COL5A2: variants seen among roughly 807,000 people sequenced by gnomAD.
COL5A2 encodes collagen alpha-2(V) chain.
A neutral mutation model predicts 208.2 loss-of-function variants in COL5A2; 23 were observed. The ratio of observed to expected loss-of-function variants is 0.11; its 90% CI spans 0.08 to 0.16. The LOEUF (loss-of-function observed/expected upper bound fraction) is 0.16. Ranked by LOEUF, COL5A2 falls within the 10% of genes least tolerant of loss-of-function variation. The probability of loss-of-function intolerance (pLI) is 1.00; values close to 1 mark genes in which losing one functional copy is unlikely to be tolerated. For missense variants in COL5A2, 1,590 were observed against 1,956.4 expected (o/e 0.81, Z 3.53); for synonymous variants, 625 against 628.5 (o/e 0.99, Z 0.08).
At chr2:189,151,152 A>C (rs1688133819) in intron 1 of COL5A2, among the ~76,000 whole-genome samples, 1 of 152,094 alleles carries the variant, frequency 6.6e-6, no homozygotes, top group Admixed American at 6.6e-5. Flanking sequence ...ATCACTGCAA[A>C]CATTTTAAGA....
chr2:189,252,386 G>A, the COL5A2 span, among the ~76,000 whole-genome samples: 4 of 152,172 alleles, frequency 2.6e-5, no homozygotes, highest in African/African-American at 9.7e-5. Flanking sequence ...TGATAGACTG[G>A]ATTAAGAAAA....
At chr2:189,360,430 T>C in the COL5A2 span, among the ~76,000 whole-genome samples, 1 of 152,192 alleles carries the variant, frequency 6.6e-6, no homozygotes, top group Non-Finnish European at 1.5e-5. Context: ...TGGTATGTTG[T>C]GTTTCCATTT....
chr2:189,170,407 CA>C (rs1688551114), intron 1 of COL5A2, among the ~76,000 whole-genome samples: 1 of 152,172 alleles, frequency 6.6e-6, no homozygotes, highest in Non-Finnish European at 1.5e-5. Flanking sequence ...AGCACAAACA[CA>C]CTTGCAACAT....
chr2:189,299,043 C>T, the COL5A2 span, among the ~76,000 whole-genome samples: 2 of 152,094 alleles, frequency 1.3e-5, no homozygotes, highest in Non-Finnish European at 2.9e-5. Flanking sequence ...AATGCTATCC[C>T]ACAGCTTTTG....
At chr2:189,375,921 C>T in the COL5A2 span, among the ~76,000 whole-genome samples, 4 of 152,206 alleles carry the variant, frequency 2.6e-5, no homozygotes, top group Non-Finnish European at 2.9e-5. Context: ...ACTCAGCCCA[C>T]ACTTCAACTT....
chr2:189,362,870 A>G, the COL5A2 span, among the ~76,000 whole-genome samples: 1 of 152,110 alleles, frequency 6.6e-6, no homozygotes, highest in Non-Finnish European at 1.5e-5. Flanking sequence ...GGCATATGAT[A>G]CAAATAAAAT....
At chr2:189,337,647 T>C in the COL5A2 span, among the ~76,000 whole-genome samples, 12 of 152,226 alleles carry the variant, frequency 7.9e-5, no homozygotes, top group East Asian at 1.5e-3. Context: ...TTTAAGAGAA[T>C]AGAAGAACAG....
At chr2:189,106,788 A>C (rs1192455636) in intron 2 of COL5A2, among the ~76,000 whole-genome samples, 6 of 151,240 alleles carry the variant, frequency 4.0e-5, no homozygotes, top group Non-Finnish European at 3.0e-5. Context: ...TCTTTATCAA[A>C]AGTATTTACT....
chr2:189,391,172 A>AC, the COL5A2 span, among the ~76,000 whole-genome samples: 1 of 152,088 alleles, frequency 6.6e-6, no homozygotes, highest in Admixed American at 6.6e-5. Context: ...ATGCTCTGAG[A>AC]CCCCAAATTT....
chr2:189,252,796 TA>T, the COL5A2 span, among the ~76,000 whole-genome samples: 1 of 151,874 alleles, frequency 6.6e-6, no homozygotes, highest in Non-Finnish European at 1.5e-5. Flanking sequence ...CTTTTAAACA[TA>T]AAAAATAAAA....
chr2:189,377,635 CA>C, the COL5A2 span, among the ~76,000 whole-genome samples: 1 of 152,168 alleles, frequency 6.6e-6, no homozygotes, highest in Admixed American at 6.5e-5. Flanking sequence ...CTCCCTACTC[CA>C]TTATCAAATG....
chr2:189,206,404 T>A (rs1435728145), intron 1 of COL5A2, among the ~76,000 whole-genome samples: 2 of 152,188 alleles, frequency 1.3e-5, no homozygotes, highest in African/African-American at 2.4e-5. Flanking sequence ...AGGGCACATA[T>A]GCTTTCATGC....
At chr2:189,297,915 A>AT in the COL5A2 span, among the ~76,000 whole-genome samples, 4 of 152,210 alleles carry the variant, frequency 2.6e-5, no homozygotes, top group Non-Finnish European at 4.4e-5. Context: ...TTTGTCAAAT[A>AT]TTTTTCTCAT....
the COL5A2 span, among the ~76,000 whole-genome samples, chr2:189,424,650 T>G: frequency 6.6e-6 from 1 of 152,140 alleles, no homozygotes; most frequent in Non-Finnish European, 1.5e-5. Context: ...TCATAAAACA[T>G]TTATGAGATA....
the COL5A2 span, among the ~76,000 whole-genome samples, chr2:189,254,629 A>C: frequency 6.6e-6 from 1 of 152,228 alleles, no homozygotes; most frequent in East Asian, 1.9e-4. Context: ...GGCCCCTGGC[A>C]GCACAACCGT....
rs1686090144 is a variant in COL5A2 at position 189,064,001 on chromosome 2, A to T, written c.1749T>A (p.Pro583=). The part of the protein sequence containing the change: ...GLTGNPGVQG[P]EGKLGPLGAP... ...TTACCAAAGGTCCAAGTTTTCCTTCAGGACCTTGAACACCAGGATTTCCTG... is the reference window on the plus strand; with the variant it reads ...TTACCAAAGGTCCAAGTTTTCCTTCTGGACCTTGAACACCAGGATTTCCTG... Residue 583 remains proline (P), a synonymous_variant, in exon 26 of 54, where the codon CCT becomes CCA. Transcript: ENST00000374866. 1.2e-6 allele frequency: 2 copies of T among 1,613,234 alleles called. No homozygotes were observed. Among genetic ancestry groups the T allele is most frequent in the South Asian group, 2.2e-5 (2 of 91,072 alleles).
the COL5A2 span, among the ~76,000 whole-genome samples, chr2:189,384,396 T>C: frequency 2.0e-5 from 3 of 152,172 alleles, no homozygotes; most frequent in Non-Finnish European, 4.4e-5. Flanking sequence ...TTCCCATTTC[T>C]CCACATCCTC....
the COL5A2 span, among the ~76,000 whole-genome samples, chr2:189,433,980 T>C: frequency 1.7e-4 from 26 of 152,238 alleles, no homozygotes; most frequent in Non-Finnish European, 1.3e-4. Flanking sequence ...AAAGCTTATC[T>C]GCCATGATCA....
At chr2:189,136,396 A>G (rs537608826) in intron 1 of COL5A2, among the ~76,000 whole-genome samples, 12 of 150,260 alleles carry the variant, frequency 8.0e-5, no homozygotes, top group Middle Eastern at 3.6e-3. Context: ...TAAAAGCTTC[A>G]TATGTGTGTA....
Sources: gnomAD v4.1 joint callset for allele counts (sites outside exome capture counted in the v4.1 genomes callset) on GRCh38, gnomAD v4.1.1 for gene constraint, MANE v1.5 for transcripts, NCBI Gene and HGNC (gene_info 2026-07-23, HGNC 2026-07-21) for gene names.